GHR: variants seen among roughly 807,000 people sequenced by gnomAD.
GHR encodes the protein GH receptor.
Under a neutral mutation model 67.1 loss-of-function variants are expected in GHR, and 35 were observed. The ratio of observed to expected loss-of-function variants is 0.52; its 90% CI spans 0.40 to 0.69. The LOEUF (loss-of-function observed/expected upper bound fraction) is 0.69. Ranked by LOEUF, GHR falls within the 30% of genes least tolerant of loss-of-function variation. The pLI, the probability that GHR is intolerant of heterozygous loss-of-function variation, is 0.00. For missense variants in GHR, 792 were observed against 764.6 expected, an observed-to-expected ratio of 1.04 and a Z score of -0.42; for synonymous variants, 272 against 269.1, an observed-to-expected ratio of 1.01 and a Z score of -0.10.
chr5:42,538,975 C>G (rs1463466684), intron 1 of GHR, among the ~76,000 whole-genome samples: 1 of 152,096 alleles, frequency 6.6e-6, no homozygotes, highest in South Asian at 2.1e-4. Context: ...ATTGCTGAGA[C>G]TTTCCAGAGC....
intron 1 of GHR, among the ~76,000 whole-genome samples, chr5:42,445,939 A>G (rs1030895789): frequency 5.9e-5 from 9 of 152,228 alleles, no homozygotes; most frequent in African/African-American, 2.2e-4. Flanking sequence ...CAAAGCATTA[A>G]GCAAAAACAG....
chr5:42,543,536 C>T (rs1748607623), intron 1 of GHR, among the ~76,000 whole-genome samples: 1 of 152,018 alleles, frequency 6.6e-6, no homozygotes, highest in Admixed American at 6.6e-5. Context: ...TTCTCTAATA[C>T]TTTTAAAGTT....
intron 3 of GHR, among the ~76,000 whole-genome samples, chr5:42,667,058 T>C (rs1429053449): frequency 6.6e-6 from 1 of 152,092 alleles, no homozygotes; most frequent in African/African-American, 2.4e-5. Flanking sequence ...CATCAAAGAA[T>C]CTAACACTAA....
At chr5:42,435,152 C>A (rs1461190789) in intron 1 of GHR, among the ~76,000 whole-genome samples, 1 of 152,118 alleles carries the variant, frequency 6.6e-6, no homozygotes, top group East Asian at 1.9e-4. Context: ...ATAACAGTCG[C>A]TATTTTTTTC....
chr5:42,715,251 T>A (rs1758664370), intron 8 of GHR: 1 of 254,280 alleles, frequency 3.9e-6, no homozygotes, highest in African/African-American at 2.3e-5. Context: ...ATTGTCTAAA[T>A]TTGCATGTTC....
intron 2 of GHR, among the ~76,000 whole-genome samples, chr5:42,624,303 A>G (rs1187052660): frequency 2.0e-5 from 3 of 152,124 alleles, no homozygotes; most frequent in African/African-American, 4.8e-5. Context: ...TCTCCTTAGG[A>G]TCTCATAACT....
At chr5:42,693,397 C>T (rs1757513196) in intron 4 of GHR, among the ~76,000 whole-genome samples, 1 of 151,984 alleles carries the variant, frequency 6.6e-6, no homozygotes, top group African/African-American at 2.4e-5. Context: ...CCTCAGCCTC[C>T]GAAAGTGCTG....
chr5:42,424,650 G>T lies in GHR; in HGVS notation c.-12+695G>T. 6.7e-7 allele frequency: 1 copy of T among 1,491,764 alleles called. No homozygotes were observed. The highest frequency in any genetic ancestry group is 1.2e-5 in the South Asian group (1 of 83,154). 92.4% of individuals were successfully genotyped at this position (1,491,764 alleles called of 1,614,324 possible). ...CTCCCCCAGCTTTTGACACACTAGT[G>T]GTTGTAAAATCAACCAGGCTTAAAG... On this transcript the variant is annotated intron_variant, in intron 1 of 9. Coordinates refer to ENST00000230882, the MANE Select transcript of GHR (RefSeq NM_000163.5). The surrounding 1 kb of genome is among the most constrained non-coding windows in gnomAD (Gnocchi z 4.1).
intron 3 of GHR, among the ~76,000 whole-genome samples, chr5:42,633,578 T>C (rs910880750): frequency 6.6e-6 from 1 of 152,142 alleles, no homozygotes; most frequent in African/African-American, 2.4e-5. Flanking sequence ...CTATCTCCTA[T>C]TTTTCCCTAT....
At chr5:42,566,767 T>G (rs960630015) in intron 2 of GHR, among the ~76,000 whole-genome samples, 2 of 152,004 alleles carry the variant, frequency 1.3e-5, no homozygotes, top group African/African-American at 4.8e-5. Flanking sequence ...ACACTGAATT[T>G]AGTTGTTGCT....
intron 6 of GHR, among the ~76,000 whole-genome samples, chr5:42,708,241 C>T (rs527588977): frequency 6.6e-6 from 1 of 152,152 alleles, no homozygotes; most frequent in South Asian, 2.1e-4. Context: ...TTAAAATATT[C>T]CTCATTTTCC....
rs551055731 is a variant in GHR, at chr5:42,426,140, G to C, written c.-12+2185G>C. 8.5e-5 allele frequency among the ~76,000 whole-genome samples: 13 copies of C among 152,242 alleles called. No individual in the cohort carries two copies. The South Asian group carries it at 1.7e-3, about 19-fold the overall frequency. Reference sequence around the variant, plus strand: ...GCTTAAACAGATGTTTACAGTGCTTGGTAACCTATGGGATTGTCATGTTGA... The same window carrying C: ...GCTTAAACAGATGTTTACAGTGCTTCGTAACCTATGGGATTGTCATGTTGA... On this transcript the variant is annotated intron_variant, in intron 1 of 9. Coordinates refer to ENST00000230882, the MANE Select transcript of GHR (RefSeq NM_000163.5).
At chr5:42,446,506 G>C (rs1233428257) in intron 1 of GHR, among the ~76,000 whole-genome samples, 1 of 152,132 alleles carries the variant, frequency 6.6e-6, no homozygotes, top group Admixed American at 6.5e-5. Context: ...ACTTTGTCTG[G>C]GGACCTGCAG....
At chr5:42,432,640 A>T (rs993758062) in intron 1 of GHR, among the ~76,000 whole-genome samples, 3 of 152,208 alleles carry the variant, frequency 2.0e-5, no homozygotes, top group African/African-American at 7.2e-5. Flanking sequence ...GACCGTGGAG[A>T]TAGAGCCTCT....
At chr5:42,644,554 T>C (rs7727354) in intron 3 of GHR, among the ~76,000 whole-genome samples, 1,760 of 152,210 alleles carry the variant, frequency 0.012, 34 homozygotes, top group African/African-American at 0.04. Flanking sequence ...TCAAAAGATG[T>C]CTTTTGAAAC....
chr5:42,467,092 T>A lies in GHR; in HGVS notation c.-12+43137T>A. 4 of 1,589,826 alleles carry A rather than the reference T, an allele frequency of 2.5e-6. No homozygotes were observed. In the East Asian group the frequency reaches 9.0e-5, roughly 36 times the overall value. ...ATGGATTCTCTGATGAATAAGTAGGTATGAGCTACATGTGAAGGCCTTCCC... is the reference window on the plus strand; with the variant it reads ...ATGGATTCTCTGATGAATAAGTAGGAATGAGCTACATGTGAAGGCCTTCCC... On this transcript the variant is annotated intron_variant, in intron 1 of 9. Transcript: ENST00000230882.
intron 5 of GHR, among the ~76,000 whole-genome samples, chr5:42,695,917 G>C (rs2072552947): frequency 6.6e-6 from 1 of 152,182 alleles, no homozygotes; most frequent in South Asian, 2.1e-4. Context: ...CTGACTGGAA[G>C]ACATAGGAGT....
intron 3 of GHR, among the ~76,000 whole-genome samples, chr5:42,656,029 T>G (rs556020348): frequency 9.8e-5 from 15 of 152,312 alleles, no homozygotes; most frequent in African/African-American, 3.6e-4. Context: ...ATACAATTAT[T>G]AGTTAAATCA....
intron 6 of GHR, among the ~76,000 whole-genome samples, chr5:42,706,300 G>A (rs188739234): frequency 6.6e-6 from 1 of 152,032 alleles, no homozygotes; most frequent in African/African-American, 2.4e-5. Context: ...TTAGACATTT[G>A]TCAGATGTAT....
Sources: gnomAD v4.1 joint callset for allele counts (sites outside exome capture counted in the v4.1 genomes callset) on GRCh38, gnomAD v4.1.1 for gene constraint, Gnocchi (gnomAD v3.1) non-coding constraint, MANE v1.5 for transcripts, NCBI Gene and HGNC (gene_info 2026-07-23, HGNC 2026-07-21) for gene names.